Variants in ROR1 observed in about 807,000 individuals in gnomAD.
ROR1 encodes ROR family WNT receptor 1, also known as inactive tyrosine-protein kinase transmembrane receptor ROR1.
Under a neutral mutation model 78.8 loss-of-function variants are expected in ROR1, and 19 were observed. The observed-to-expected ratio is 0.24, with a 90% CI of 0.17 to 0.35. The LOEUF (loss-of-function observed/expected upper bound fraction) is 0.35. Among genes scored for constraint, ROR1 ranks in the 10% least tolerant of loss-of-function variants. The pLI is 1.00. For synonymous variants in ROR1, 386 were observed against 433.6 expected, an observed-to-expected ratio of 0.89 and a Z score of 1.36; for missense variants, 917 against 1,177.8, an observed-to-expected ratio of 0.78 and a Z score of 3.24.
chr1:64,077,399 T>C (rs1448575986), intron 4 of ROR1, among the ~76,000 whole-genome samples: 1 of 152,218 alleles, frequency 6.6e-6, no homozygotes, highest in Non-Finnish European at 1.5e-5. Context: ...CCCTCACGTA[T>C]CCTTTCCACC....
intron 1 of ROR1, among the ~76,000 whole-genome samples, chr1:63,821,209 A>T (rs1391919766): frequency 6.6e-6 from 1 of 152,156 alleles, no homozygotes; most frequent in Non-Finnish European, 1.5e-5. Flanking sequence ...CCTTATCCTT[A>T]TTTCATTGAT....
intron 1 of ROR1, among the ~76,000 whole-genome samples, chr1:63,786,680 C>A (rs905106197): frequency 2.0e-5 from 3 of 150,752 alleles, no homozygotes; most frequent in African/African-American, 7.3e-5. Flanking sequence ...AATCCTCCCA[C>A]ATCTTTCCTG....
chr1:64,141,053 T>C (rs999592441), intron 6 of ROR1, among the ~76,000 whole-genome samples: 2 of 152,124 alleles, frequency 1.3e-5, no homozygotes, highest in African/African-American at 4.8e-5. Flanking sequence ...TGGAGAGTGA[T>C]TGTTTAATAG....
intron 8 of ROR1, among the ~76,000 whole-genome samples, chr1:64,166,656 T>G (rs987395711): frequency 6.6e-6 from 1 of 152,208 alleles, no homozygotes; most frequent in Non-Finnish European, 1.5e-5. Context: ...GATCCAGCAA[T>G]GCACAGCATT....
intron 1 of ROR1, among the ~76,000 whole-genome samples, chr1:63,919,155 T>TA (rs140855420): frequency 1.3e-5 from 2 of 152,140 alleles, no homozygotes; most frequent in Non-Finnish European, 2.9e-5. Context: ...TCAAGCATTT[T>TA]AAAAAAATGC....
At chr1:63,792,810 C>T (rs1197802843) in intron 1 of ROR1, among the ~76,000 whole-genome samples, 1 of 152,194 alleles carries the variant, frequency 6.6e-6, no homozygotes, top group African/African-American at 2.4e-5. Context: ...TCCCTGAAAA[C>T]TTATTTTCTA....
chr1:63,921,993 C>G (rs987865113), intron 1 of ROR1, among the ~76,000 whole-genome samples: 7 of 152,184 alleles, frequency 4.6e-5, no homozygotes, highest in Admixed American at 3.9e-4. Context: ...GTTTATGTCT[C>G]TCTGAGGGCT....
chr1:63,937,164 T>A (rs558583259), intron 1 of ROR1, among the ~76,000 whole-genome samples: 6 of 152,236 alleles, frequency 3.9e-5, no homozygotes, highest in African/African-American at 7.2e-5. Flanking sequence ...AGGCCAGGGG[T>A]CATGTCTCAT....
chr1:63,843,509 C>T (rs1320890225), intron 1 of ROR1: 1 of 754,260 alleles, frequency 1.3e-6, no homozygotes, highest in Non-Finnish European at 2.4e-6. Context: ...TGGTCTGGCT[C>T]ACATCGCCCA....
At chr1:64,142,944 A>G (rs1175778508) in intron 7 of ROR1, 2 of 1,190,222 alleles carry the variant, frequency 1.7e-6, no homozygotes, top group East Asian at 4.5e-5. Flanking sequence ...ATTGATTTTT[A>G]TAGAAAAAGA....
intron 3 of ROR1, 79 bp from the exon 4 acceptor site, chr1:64,050,607 T>G: frequency 5.3e-6 from 7 of 1,329,014 alleles, no homozygotes. Context: ...CTTTAATTTG[T>G]AATGATTTGA....
At chr1:63,944,853 G>A (rs1645871293) in intron 1 of ROR1, among the ~76,000 whole-genome samples, 1 of 152,020 alleles carries the variant, frequency 6.6e-6, no homozygotes, top group South Asian at 2.1e-4. Flanking sequence ...CTGAAAAGTT[G>A]GGATAATCAT....
chr1:63,887,839 A>G (rs547173475), intron 1 of ROR1, among the ~76,000 whole-genome samples: 1 of 152,238 alleles, frequency 6.6e-6, no homozygotes, highest in East Asian at 1.9e-4. Context: ...GCAGAAAATG[A>G]TAATAATAGC....
At chr1:63,794,252 A>G (rs941602202) in intron 1 of ROR1, among the ~76,000 whole-genome samples, 4 of 152,238 alleles carry the variant, frequency 2.6e-5, no homozygotes, top group African/African-American at 9.6e-5. Flanking sequence ...TACTAATCAT[A>G]TCTACCTCAT....
intron 1 of ROR1, among the ~76,000 whole-genome samples, chr1:63,904,932 T>C (rs1645517125): frequency 6.6e-6 from 1 of 152,152 alleles, no homozygotes; most frequent in Non-Finnish European, 1.5e-5. Flanking sequence ...TATCAGCCCA[T>C]GCCTTAACCT....
At chr1:63,904,627 A>G (rs1442624772) in intron 1 of ROR1, among the ~76,000 whole-genome samples, 1 of 152,164 alleles carries the variant, frequency 6.6e-6, no homozygotes, top group Non-Finnish European at 1.5e-5. Flanking sequence ...AAGAGACTAT[A>G]TTTGGAGATG....
chr1:63,806,530 G>A (rs1471642209), intron 1 of ROR1, among the ~76,000 whole-genome samples: 4 of 152,132 alleles, frequency 2.6e-5, no homozygotes, highest in Non-Finnish European at 5.9e-5. Flanking sequence ...CGTTAGCCAG[G>A]ATGGTCTCGA....
intron 8 of ROR1, among the ~76,000 whole-genome samples, chr1:64,161,211 G>A (rs1420665860): frequency 6.6e-6 from 1 of 152,156 alleles, no homozygotes; most frequent in Non-Finnish European, 1.5e-5. Flanking sequence ...TGTACAACCA[G>A]GGTAATTGAG....
At chr1:64,028,878 T>C (rs527900287) in intron 2 of ROR1, 2 of 152,284 alleles carry the variant, frequency 1.3e-5, no homozygotes, top group Admixed American at 6.5e-5. Context: ...CAATACTAAG[T>C]CTTATTCATT....
Sources: gnomAD v4.1 joint callset for allele counts (sites outside exome capture counted in the v4.1 genomes callset) on GRCh38, gnomAD v4.1.1 for gene constraint, MANE v1.5 for transcripts, NCBI Gene and HGNC (gene_info 2026-07-23, HGNC 2026-07-21) for gene names.